The following STK3 variants were observed in gnomAD, a reference collection of about 807,000 sequenced individuals.
The protein encoded by STK3 is serine/threonine-protein kinase 3.
In STK3, 41 loss-of-function variants were observed where a neutral mutation model predicts 58.0. That is an observed-to-expected ratio of 0.71 (90% CI 0.55 to 0.92). The LOEUF is 0.92. STK3 is among the 40% of genes least tolerant of loss of function. The pLI is 0.00. For synonymous variants in STK3, 170 were observed against 191.0 expected (o/e 0.89, Z 0.91); for missense variants, 479 against 602.7 (o/e 0.79, Z 2.15).
downstream of STK3, chr8:98,879,960 T>A (rs1351778584): frequency 6.6e-6 from 1 of 152,094 alleles, no homozygotes; most frequent in Admixed American, 6.6e-5. Flanking sequence ...ATTTCCATAG[T>A]CAAAAATAAA....
At chr8:98,676,465 T>C (rs912898842) in intron 6 of STK3, among the ~76,000 whole-genome samples, 1 of 152,048 alleles carries the variant, frequency 6.6e-6, no homozygotes, top group Non-Finnish European at 1.5e-5. Flanking sequence ...ATACAAAAAT[T>C]AGCCAGGAGT....
chr8:98,737,795 C>T (rs1828738096), intron 4 of STK3, among the ~76,000 whole-genome samples: 1 of 152,134 alleles, frequency 6.6e-6, no homozygotes, highest in Non-Finnish European at 1.5e-5. Flanking sequence ...GCAACCTCTG[C>T]CCCGCAGGTT....
intron 6 of STK3, among the ~76,000 whole-genome samples, chr8:98,699,637 G>A (rs28748110): frequency 6.1e-5 from 9 of 147,202 alleles, no homozygotes; most frequent in African/African-American, 2.0e-4. Flanking sequence ...CTCCAGACTC[G>A]GTTTGCCTGG....
At chr8:98,728,036 T>C (rs560150769) in intron 4 of STK3, among the ~76,000 whole-genome samples, 2 of 152,334 alleles carry the variant, frequency 1.3e-5, no homozygotes, top group East Asian at 3.9e-4. Context: ...TCAAGCTTCA[T>C]ATTCCAACTT....
At chr8:98,352,136 CA>C in the STK3 span, among the ~76,000 whole-genome samples, 16,549 of 110,162 alleles carry the variant, frequency 0.15, 840 homozygotes, top group African/African-American at 0.26. Context: ...GACTCTGTCT[CA>C]AAAAAAAAAA....
intron 4 of STK3, among the ~76,000 whole-genome samples, chr8:98,743,121 G>T (rs1829353844): frequency 6.6e-6 from 1 of 151,936 alleles, no homozygotes; most frequent in Non-Finnish European, 1.5e-5. Flanking sequence ...CTCATGGGTA[G>T]GAAGAATCAA....
At chr8:98,547,529 T>G (rs1339004752) in intron 9 of STK3, among the ~76,000 whole-genome samples, 1 of 152,216 alleles carries the variant, frequency 6.6e-6, no homozygotes, top group Non-Finnish European at 1.5e-5. Flanking sequence ...TTCTTTCTAG[T>G]GCTTCTTATT....
intron 1 of STK3, among the ~76,000 whole-genome samples, chr8:98,385,651 G>T (rs1817783352): frequency 6.6e-6 from 1 of 152,118 alleles, no homozygotes; most frequent in Non-Finnish European, 1.5e-5. Context: ...CTGTAGCCCT[G>T]CTCCAAGAGC....
intron 10 of STK3, among the ~76,000 whole-genome samples, chr8:98,525,858 T>C (rs1446135805): frequency 6.6e-6 from 1 of 151,908 alleles, no homozygotes; most frequent in Admixed American, 6.6e-5. Flanking sequence ...AGCAAAATGG[T>C]TTATTATTAC....
intron 8 of STK3, among the ~76,000 whole-genome samples, chr8:98,566,707 A>G (rs1301396633): frequency 6.6e-6 from 1 of 152,188 alleles, no homozygotes; most frequent in Non-Finnish European, 1.5e-5. Flanking sequence ...AAACAGCTAC[A>G]GTAAAAGCTG....
intron 6 of STK3, among the ~76,000 whole-genome samples, chr8:98,603,081 T>G (rs1816489732): frequency 6.6e-6 from 1 of 152,152 alleles, no homozygotes; most frequent in South Asian, 2.1e-4. Flanking sequence ...GGTATCTTGC[T>G]AGGCCAGAAG....
intron 1 of STK3, among the ~76,000 whole-genome samples, chr8:98,887,947 G>T (rs1359719434): frequency 6.6e-6 from 1 of 152,178 alleles, no homozygotes; most frequent in Non-Finnish European, 1.5e-5. Context: ...CAGACAGTTG[G>T]AGACCCAAGT....
At chr8:98,896,094 A>G (rs1226406915) in intron 1 of STK3, among the ~76,000 whole-genome samples, 1 of 152,124 alleles carries the variant, frequency 6.6e-6, no homozygotes, top group African/African-American at 2.4e-5. Context: ...TGCCCCTGAA[A>G]TAGTTCTTTA....
At chr8:98,358,738 G>GT in the STK3 span, among the ~76,000 whole-genome samples, 39 of 152,246 alleles carry the variant, frequency 2.6e-4, no homozygotes, top group East Asian at 6.4e-3. Context: ...AAATGCTATT[G>GT]TTTTTTGCTG....
intron 6 of STK3, among the ~76,000 whole-genome samples, chr8:98,621,186 C>T (rs1052862825): frequency 3.3e-5 from 5 of 152,138 alleles, no homozygotes; most frequent in East Asian, 1.9e-4. Flanking sequence ...GTGATCCGCC[C>T]GCCTCGGCCT....
At chr8:98,535,327 TA>T (rs1809665467) in intron 9 of STK3, among the ~76,000 whole-genome samples, 1 of 151,982 alleles carries the variant, frequency 6.6e-6, no homozygotes, top group East Asian at 1.9e-4. Context: ...ACAAAAACAA[TA>T]GAAACTACAA....
At chr8:98,523,240 T>C (rs1158762324) in intron 10 of STK3, among the ~76,000 whole-genome samples, 3 of 152,204 alleles carry the variant, frequency 2.0e-5, no homozygotes, top group African/African-American at 7.2e-5. Context: ...AATAGTCATT[T>C]GAATGGGTGT....
intron 3 of STK3, among the ~76,000 whole-genome samples, chr8:98,858,897 T>TAAAAAAAA: frequency 1.2e-5 from 1 of 80,530 alleles, no homozygotes; most frequent in Non-Finnish European, 2.5e-5. Context: ...AGACTCCATC[T>TAAAAAAAA]AAAAAAAAAA....
At chr8:98,365,875 C>G in the STK3 span, among the ~76,000 whole-genome samples, 4 of 152,146 alleles carry the variant, frequency 2.6e-5, no homozygotes, top group African/African-American at 9.7e-5. Flanking sequence ...TCCATGCCTT[C>G]TAGTTGCTGT....
Sources: allele counts gnomAD v4.1 joint callset (sites outside exome capture counted in the v4.1 genomes callset), GRCh38; gene constraint gnomAD v4.1.1; transcripts MANE v1.5; gene names NCBI Gene and HGNC (gene_info 2026-07-23, HGNC 2026-07-21).